DAB1: variants seen among roughly 807,000 people sequenced by gnomAD.
The protein encoded by DAB1 is DAB adaptor protein 1, also known as disabled homolog 1.
A neutral mutation model predicts 64.6 loss-of-function variants in DAB1; 15 were observed. That is an observed-to-expected ratio of 0.23 (90% CI 0.16 to 0.36). The LOEUF is 0.36. Ranked by LOEUF, DAB1 falls within the 10% of genes least tolerant of loss-of-function variation. The pLI is 1.00. For synonymous variants in DAB1, 235 were observed against 251.9 expected (o/e 0.93, Z 0.64); for missense variants, 596 against 706.7 (o/e 0.84, Z 1.78).
At chr1:57,574,861 C>A (rs1047326005) in intron 7 of DAB1, among the ~76,000 whole-genome samples, 1 of 152,196 alleles carries the variant, frequency 6.6e-6, no homozygotes, top group Non-Finnish European at 1.5e-5. Flanking sequence ...CCTGGAAACA[C>A]AATCACACAG....
At chr1:57,287,777 CTTTTA>C (rs1672435792) in intron 2 of DAB1, among the ~76,000 whole-genome samples, 1 of 63,916 alleles carries the variant, frequency 1.6e-5, no homozygotes, top group African/African-American at 8.8e-5. Flanking sequence ...TTTTCTCTCT[CTTTTA>C]TTTATTTATT....
At chr1:58,514,933 T>C (rs565453410) in intron 2 of DAB1, among the ~76,000 whole-genome samples, 2 of 152,304 alleles carry the variant, frequency 1.3e-5, no homozygotes, top group East Asian at 1.9e-4. Context: ...GGTTTACCTA[T>C]ACCTCACAGG....
intron 5 of DAB1, among the ~76,000 whole-genome samples, chr1:58,099,072 A>G (rs956431120): frequency 2.0e-5 from 3 of 152,176 alleles, no homozygotes; most frequent in African/African-American, 7.2e-5. Flanking sequence ...CTAGAGCAGT[A>G]TCAGTAAGAC....
At chr1:57,322,282 C>T (rs1210026574) in intron 1 of DAB1, among the ~76,000 whole-genome samples, 1 of 152,304 alleles carries the variant, frequency 6.6e-6, no homozygotes, top group Middle Eastern at 3.4e-3. Flanking sequence ...TACAAATAAA[C>T]TTTGCACTTC....
At chr1:57,554,714 C>T (rs1403418187) in intron 7 of DAB1, among the ~76,000 whole-genome samples, 1 of 152,156 alleles carries the variant, frequency 6.6e-6, no homozygotes, top group Non-Finnish European at 1.5e-5. Flanking sequence ...TATTTTTTCT[C>T]CATTGACTTT....
At chr1:57,791,290 A>G (rs1283210588) in intron 6 of DAB1, among the ~76,000 whole-genome samples, 2 of 152,202 alleles carry the variant, frequency 1.3e-5, no homozygotes, top group African/African-American at 4.8e-5. Context: ...GTTTCTCACA[A>G]CTGCTCTTTG....
chr1:57,912,065 T>C (rs1644653377), intron 5 of DAB1, among the ~76,000 whole-genome samples: 1 of 152,140 alleles, frequency 6.6e-6, no homozygotes, highest in South Asian at 2.1e-4. Context: ...ATTAAGAAGG[T>C]TGTTTTAAAA....
chr1:58,148,601 A>G (rs1283105156), intron 5 of DAB1, among the ~76,000 whole-genome samples: 2 of 152,176 alleles, frequency 1.3e-5, no homozygotes, highest in African/African-American at 2.4e-5. Flanking sequence ...GGTTTAATGG[A>G]CTCACAGTTC....
chr1:57,175,282 G>A (rs1415773729), intron 2 of DAB1, among the ~76,000 whole-genome samples: 2 of 151,294 alleles, frequency 1.3e-5, no homozygotes, highest in Non-Finnish European at 2.9e-5. Flanking sequence ...TTTAAAGAAA[G>A]GCAGGGTTTT....
intron 2 of DAB1, among the ~76,000 whole-genome samples, chr1:57,204,904 A>G (rs1665417357): frequency 6.6e-6 from 1 of 152,198 alleles, no homozygotes; most frequent in African/African-American, 2.4e-5. Flanking sequence ...CTCCACCTCC[A>G]TTGAAATACC....
chr1:57,790,050 C>T (rs1191035516), intron 6 of DAB1, among the ~76,000 whole-genome samples: 3 of 152,132 alleles, frequency 2.0e-5, no homozygotes, highest in Non-Finnish European at 4.4e-5. Context: ...GCCATAGAAG[C>T]AGCAACCAGC....
chr1:57,136,474 G>C (rs1161544443), intron 4 of DAB1, 69 bp downstream of exon 4: 2 of 850,796 alleles, frequency 2.4e-6, no homozygotes, highest in Non-Finnish European at 3.5e-6. Flanking sequence ...TGCCCAGAGA[G>C]TAGAGGCTTT....
chr1:57,687,336 G>A (rs1028180286), intron 6 of DAB1, among the ~76,000 whole-genome samples: 1 of 151,872 alleles, frequency 6.6e-6, no homozygotes, highest in African/African-American at 2.4e-5. Flanking sequence ...TAACCAAGGA[G>A]GTGAAAGAAC....
At chr1:57,237,013 T>C (rs986935026) in intron 2 of DAB1, among the ~76,000 whole-genome samples, 3 of 152,214 alleles carry the variant, frequency 2.0e-5, no homozygotes, top group Admixed American at 6.5e-5. Flanking sequence ...ATAGTAGTAG[T>C]GCTACTACTG....
At chr1:57,414,533 TTG>T (rs1459240689) in intron 1 of DAB1, among the ~76,000 whole-genome samples, 2 of 152,172 alleles carry the variant, frequency 1.3e-5, no homozygotes, top group East Asian at 3.8e-4. Context: ...ACCAACAAAT[TTG>T]TGTGACTCAC....
chr1:57,454,288 A>G (rs905246130), intron 7 of DAB1, among the ~76,000 whole-genome samples: 1 of 152,170 alleles, frequency 6.6e-6, no homozygotes, highest in African/African-American at 2.4e-5. Context: ...GATAAAGAAA[A>G]TATGGTACAT....
chr1:57,965,215 T>C (rs1489370471), intron 5 of DAB1, among the ~76,000 whole-genome samples: 1 of 152,150 alleles, frequency 6.6e-6, no homozygotes, highest in African/African-American at 2.4e-5. Flanking sequence ...TTCTTTCTAT[T>C]TTATTTGGTA....
chr1:57,291,782 A>T (rs17115528), intron 1 of DAB1, among the ~76,000 whole-genome samples: 2,421 of 152,310 alleles, frequency 0.016, 56 homozygotes, highest in African/African-American at 0.055. Context: ...ACAGGCAGAC[A>T]CAGATTTCAT....
chr1:57,000,683 A>G (rs1223408085), intron 14 of DAB1, among the ~76,000 whole-genome samples: 1 of 152,114 alleles, frequency 6.6e-6, no homozygotes, highest in African/African-American at 2.4e-5. Context: ...GGGGAAAAAT[A>G]TTTCCTTTTG....
Sources: allele counts gnomAD v4.1 joint callset (sites outside exome capture counted in the v4.1 genomes callset), GRCh38; gene constraint gnomAD v4.1.1; transcripts MANE v1.5; gene names NCBI Gene and HGNC (gene_info 2026-07-23, HGNC 2026-07-21).